The following LRP1B variants were observed in gnomAD, a reference collection of about 807,000 sequenced individuals.
LRP1B encodes LDL receptor related protein 1B.
A neutral mutation model predicts 556.6 loss-of-function variants in LRP1B; 217 were observed. The observed-to-expected ratio is 0.39, with a 90% confidence interval of 0.35 to 0.44. The LOEUF (loss-of-function observed/expected upper bound fraction) is 0.44. Ranked by LOEUF, LRP1B falls within the 20% of genes least tolerant of loss-of-function variation. LRP1B has a pLI of 1.00. For missense variants in LRP1B, 5,053 were observed against 5,620.8 expected (o/e 0.90, Z 3.23); for synonymous variants, 2,047 against 1,865.8 (o/e 1.10, Z -2.50).
chr2:141,043,037 C>CAAAAAAAAAAAAAAAA (rs57176510), intron 11 of LRP1B, among the ~76,000 whole-genome samples: 1 of 122,064 alleles, frequency 8.2e-6, no homozygotes, highest in Non-Finnish European at 1.7e-5. Flanking sequence ...ACAAAAAATA[C>CAAAAAAAAAAAAAAAA]AAAAAAAAAA....
intron 3 of LRP1B, among the ~76,000 whole-genome samples, chr2:141,255,308 A>G (rs1409365180): frequency 1.3e-5 from 2 of 152,076 alleles, no homozygotes; most frequent in Non-Finnish European, 2.9e-5. Flanking sequence ...AATATTGGAT[A>G]GAAGCATGAC....
Position 141,544,330 on chromosome 2 carries a change from TCTTCTTCTTC to T in LRP1B, c.206-63807_206-63798del, listed in dbSNP as rs1685423577. On this transcript the variant is annotated intron_variant, in intron 2 of 90. Coordinates refer to ENST00000389484, the MANE Select transcript of LRP1B (RefSeq NM_018557.3). ...TTCTTCTTCTTCTTCTTCTTCTTCT[TCTTCTTCTTC>T]TTCTTCTTCTTCTTCTTCTTCTTCT... is the stretch of plus-strand genomic sequence containing the variant. 3.0e-4 allele frequency among the ~76,000 whole-genome samples: 13 copies of T among 43,078 alleles called. No individual in the cohort carries two copies. In the South Asian group the frequency reaches 8.0e-3, roughly 26 times the overall value. The allele number at this position is 43,078 out of a possible 152,430, so 28.3% of individuals were successfully genotyped here. A position where few individuals can be genotyped will look rare whatever the true frequency, so the allele number is the denominator to read the frequency against.
chr2:141,052,743 T>A (rs968364416), intron 10 of LRP1B, among the ~76,000 whole-genome samples: 1 of 152,020 alleles, frequency 6.6e-6, no homozygotes, highest in Admixed American at 6.6e-5. Context: ...GCTCAAGCTA[T>A]CCTCCTACTT....
chr2:140,950,331 A>T lies in LRP1B; in HGVS notation c.3040T>A (p.Ser1014Thr), dbSNP rs139792347. Residue 1014 changes from serine (S) to threonine (T), a missense_variant, in exon 20 of 91, where the codon TCC becomes ACC. Physicochemically the swap from Ser to Thr is moderately conservative, Grantham distance 58. This residue lies in a region of LRP1B where 3,619 missense variants were observed against 3,931.9 expected (regional missense o/e 0.92). Transcript: ENST00000389484. Reference protein sequence around the residue: ...HSCFDNQFRCSSGRCIPGHWA... With the variant: ...HSCFDNQFRCTSGRCIPGHWA... ...TGGCCTGGGATGCATCTGCCACTGG[A>T]ACATCTGAACTGATTATCAAAGCAA... is the stretch of plus-strand genomic sequence containing the variant. The T allele has an allele frequency of 6.2e-7, 1 of 1,612,976 alleles. No individual in the cohort carries two copies. Among genetic ancestry groups the T allele is most frequent in the Non-Finnish European group, 8.5e-7 (1 of 1,179,434 alleles).
At chr2:142,123,114 T>A (rs1191986596) in intron 1 of LRP1B, among the ~76,000 whole-genome samples, 1 of 152,022 alleles carries the variant, frequency 6.6e-6, no homozygotes, top group Non-Finnish European at 1.5e-5. Context: ...TCTAAACACA[T>A]TTCGGTTATC....
chr2:141,499,872 C>T (rs970976065), intron 2 of LRP1B, among the ~76,000 whole-genome samples: 17 of 151,668 alleles, frequency 1.1e-4, no homozygotes, highest in Admixed American at 6.6e-5. Flanking sequence ...TGTTTATTAC[C>T]AAGGAAAATG....
At chr2:141,448,665 C>T (rs1424443849) in intron 3 of LRP1B, among the ~76,000 whole-genome samples, 1 of 152,180 alleles carries the variant, frequency 6.6e-6, no homozygotes, top group Non-Finnish European at 1.5e-5. Flanking sequence ...TCCCCAACCT[C>T]GTGAACTTCC....
At chr2:140,569,793 C>T (rs1255515439) in intron 43 of LRP1B, among the ~76,000 whole-genome samples, 1 of 151,694 alleles carries the variant, frequency 6.6e-6, no homozygotes, top group Non-Finnish European at 1.5e-5. Flanking sequence ...ATATTTTAGG[C>T]CACAAAACAA....
At chr2:141,035,848 A>G (rs1448078532) in intron 11 of LRP1B, among the ~76,000 whole-genome samples, 1 of 152,156 alleles carries the variant, frequency 6.6e-6, no homozygotes, top group East Asian at 1.9e-4. Context: ...TATTTAAAGC[A>G]TCACAAGGGA....
chr2:141,914,780 A>G (rs1451531995), intron 1 of LRP1B, among the ~76,000 whole-genome samples: 1 of 152,150 alleles, frequency 6.6e-6, no homozygotes, highest in African/African-American at 2.4e-5. Flanking sequence ...ACACCTAGGA[A>G]TACATCTAAC....
chr2:140,841,112 A>C lies in LRP1B; in HGVS notation c.4940-20T>G, dbSNP rs74787922. 0.063 allele frequency: 97,480 copies of C among 1,554,982 alleles called. 3,414 individuals carry two copies. Among genetic ancestry groups the C allele is most frequent in the Middle Eastern group, 0.1 (607 of 5,872 alleles). ...GAATATCTATAAAACAGGAAAGAGA[A>C]GATTTAAAGGTGAATGAAGTTTTTC... On this transcript the variant is annotated intron_variant, in intron 29 of 90. Coordinates refer to ENST00000389484, the MANE Select transcript of LRP1B (RefSeq NM_018557.3).
intron 18 of LRP1B, among the ~76,000 whole-genome samples, chr2:140,980,846 G>T (rs910559215): frequency 6.6e-6 from 1 of 152,118 alleles, no homozygotes; most frequent in Non-Finnish European, 1.5e-5. Flanking sequence ...CAACCTTAGT[G>T]CCCATCCAAC....
intron 1 of LRP1B, among the ~76,000 whole-genome samples, chr2:142,086,658 T>C (rs903767405): frequency 1.3e-5 from 2 of 150,786 alleles, no homozygotes; most frequent in African/African-American, 2.4e-5. Flanking sequence ...AAACACAACT[T>C]GTCTCCAGCA....
chr2:140,475,477 T>C, intron 59 of LRP1B, 140 bp from the exon 60 acceptor site: 1 of 548,484 alleles, frequency 1.8e-6, no homozygotes, highest in South Asian at 3.0e-5. Context: ...AAACATCCTT[T>C]GATGCAAAAT....
Position 141,013,662 on chromosome 2 carries a change from A to G in LRP1B, c.2274T>C (p.Asn758=). 6.2e-7 allele frequency: 1 copy of G among 1,612,204 alleles called. No individual in the cohort carries two copies. Among genetic ancestry groups the G allele is most frequent in the Non-Finnish European group, 8.5e-7 (1 of 1,178,988 alleles). Residue 758 remains asparagine (N), a synonymous_variant, in exon 14 of 91, where the codon AAT becomes AAC. Transcript: ENST00000389484. ...GNYVFWTDYM[N]GSIFQLDLIT... is the part of the protein sequence containing the mutation. The stretch of plus-strand genomic sequence containing the variant: ...TCAAATCTAGTTGAAAAATGGAACC[A>G]TTCATATAATCAGTCCAGAACACAT...
At chr2:141,922,349 C>T (rs1232285017) in intron 1 of LRP1B, among the ~76,000 whole-genome samples, 1 of 152,176 alleles carries the variant, frequency 6.6e-6, no homozygotes, top group African/African-American at 2.4e-5. Context: ...ACTATTTACT[C>T]TAAGGACTTA....
chr2:141,083,948 C>T (rs1699986436), intron 7 of LRP1B, among the ~76,000 whole-genome samples: 1 of 152,184 alleles, frequency 6.6e-6, no homozygotes, highest in Admixed American at 6.5e-5. Flanking sequence ...ACTAAGATAA[C>T]TATTTTTATT....
At chr2:140,675,248 G>C (rs1328914928) in intron 41 of LRP1B, among the ~76,000 whole-genome samples, 1 of 152,158 alleles carries the variant, frequency 6.6e-6, no homozygotes, top group African/African-American at 2.4e-5. Context: ...GTTTACGTTA[G>C]TGTTTTATTG....
rs1354626939 is a variant in LRP1B at position 140,903,951 on chromosome 2, TATA to T, written c.3521-789_3521-787del. Among the ~76,000 whole-genome samples the T allele has an allele frequency of 2.6e-5, 4 of 152,172 alleles. No homozygotes were observed. In the East Asian group the frequency reaches 5.8e-4, roughly 22 times the overall value. ...ATGTGATTACACATATGATTACATA[TATA>T]ATGTGATTAGCTTGTAAAAAAGATT... On this transcript the variant is annotated intron_variant, in intron 22 of 90. Coordinates refer to ENST00000389484, the MANE Select transcript of LRP1B (RefSeq NM_018557.3).
Sources: allele counts gnomAD v4.1 joint callset (sites outside exome capture counted in the v4.1 genomes callset), GRCh38; gene constraint gnomAD v4.1.1; regional missense constraint gnomAD v4.1.1; transcripts MANE v1.5; gene names NCBI Gene and HGNC (gene_info 2026-07-23, HGNC 2026-07-21).